Variants in ATP10B observed in about 807,000 individuals in gnomAD.
The protein encoded by ATP10B is ATPase phospholipid transporting 10B (putative).
ATP10B carries 122 observed loss-of-function variants against 141.2 expected under a neutral mutation model. The observed-to-expected ratio is 0.86, with a 90% confidence interval of 0.75 to 1.00. The LOEUF (loss-of-function observed/expected upper bound fraction) is 1.00, where lower values mean the gene tolerates loss of function less well. Ranked by LOEUF, ATP10B falls within the 50% of genes least tolerant of loss-of-function variation. The probability of loss-of-function intolerance (pLI) is 0.00; values close to 1 mark genes in which losing one functional copy is unlikely to be tolerated. For synonymous variants in ATP10B, 685 were observed against 692.0 expected (o/e 0.99, Z 0.16); for missense variants, 1,876 against 1,825.3 (o/e 1.03, Z -0.51).
chr5:160,601,759 T>C (rs1757110235), intron 21 of ATP10B, among the ~76,000 whole-genome samples: 1 of 152,232 alleles, frequency 6.6e-6, no homozygotes, highest in African/African-American at 2.4e-5. Context: ...TTCTTCAAGG[T>C]CATACAGCAT....
the ATP10B span, among the ~76,000 whole-genome samples, chr5:160,912,556 G>A: frequency 7.9e-5 from 12 of 151,172 alleles, no homozygotes; most frequent in South Asian, 8.4e-4. Context: ...CTGAGATCAC[G>A]CCACCGCACT....
At chr5:160,708,175 T>C (rs1765129501) in intron 3 of ATP10B, among the ~76,000 whole-genome samples, 1 of 152,116 alleles carries the variant, frequency 6.6e-6, no homozygotes. Flanking sequence ...CACTGCAACA[T>C]TTTTAGGGTG....
intron 2 of ATP10B, among the ~76,000 whole-genome samples, chr5:160,742,194 G>A (rs1040486496): frequency 7.2e-5 from 11 of 152,310 alleles, no homozygotes; most frequent in South Asian, 4.1e-4. Flanking sequence ...AGAGTATCTT[G>A]AAATATGTGA....
intron 18 of ATP10B, chr5:160,611,769 C>G (rs564468951): frequency 1.3e-5 from 2 of 152,268 alleles, no homozygotes; most frequent in African/African-American, 4.8e-5. Context: ...TTTCCGTCTT[C>G]TTTCGTTTTC....
At chr5:160,803,085 G>A (rs1156686719) in intron 1 of ATP10B, among the ~76,000 whole-genome samples, 1 of 152,182 alleles carries the variant, frequency 6.6e-6, no homozygotes, top group Admixed American at 6.5e-5. Context: ...AAAGGCTTCT[G>A]TTGGCTCACT....
chr5:160,629,800 G>A (rs1320990770), intron 13 of ATP10B, among the ~76,000 whole-genome samples: 9 of 152,182 alleles, frequency 5.9e-5, no homozygotes, highest in Non-Finnish European at 1.2e-4. Context: ...CTAGTACATG[G>A]GGTAGCTGAG....
At chr5:160,779,032 G>T (rs1354283199) in intron 2 of ATP10B, among the ~76,000 whole-genome samples, 1 of 152,186 alleles carries the variant, frequency 6.6e-6, no homozygotes, top group East Asian at 1.9e-4. Context: ...AAGGGAGAAT[G>T]ATCAGAGAAT....
chr5:160,576,951 T>C (rs1376238120), intron 24 of ATP10B, among the ~76,000 whole-genome samples: 1 of 152,122 alleles, frequency 6.6e-6, no homozygotes, highest in African/African-American at 2.4e-5. Flanking sequence ...ACATTGGAGA[T>C]AGGAGGATCT....
intron 1 of ATP10B, among the ~76,000 whole-genome samples, chr5:160,822,075 A>C (rs1231052768): frequency 6.6e-6 from 1 of 152,164 alleles, no homozygotes; most frequent in Non-Finnish European, 1.5e-5. Flanking sequence ...TGAAGACACA[A>C]TGCACAGAAT....
chr5:160,840,664 C>A (rs921060795), intron 1 of ATP10B, among the ~76,000 whole-genome samples: 2 of 151,942 alleles, frequency 1.3e-5, no homozygotes, highest in Non-Finnish European at 1.5e-5. Context: ...GATACTAAAA[C>A]GTCCAGATGT....
At chr5:160,622,915 T>C (rs1297909537) in intron 13 of ATP10B, among the ~76,000 whole-genome samples, 2 of 151,424 alleles carry the variant, frequency 1.3e-5, no homozygotes, top group African/African-American at 4.9e-5. Context: ...GCCTCTCACC[T>C]TTTTTTTTCT....
chr5:160,767,101 A>T (rs1769505696), intron 2 of ATP10B, among the ~76,000 whole-genome samples: 1 of 152,202 alleles, frequency 6.6e-6, no homozygotes, highest in Non-Finnish European at 1.5e-5. Context: ...TTTAACAGTA[A>T]CAGATAGCTG....
intron 6 of ATP10B, among the ~76,000 whole-genome samples, chr5:160,681,185 C>T (rs1295226149): frequency 3.3e-5 from 5 of 152,192 alleles, no homozygotes; most frequent in Non-Finnish European, 5.9e-5. Context: ...TCTCAACTGA[C>T]AGCTGGGTTA....
At chr5:160,768,048 A>G (rs1354948893) in intron 2 of ATP10B, among the ~76,000 whole-genome samples, 2 of 151,138 alleles carry the variant, frequency 1.3e-5, no homozygotes, top group Non-Finnish European at 1.5e-5. Flanking sequence ...TACTTCCTTC[A>G]CTCCCAACTC....
At chr5:160,882,126 C>T in the ATP10B span, among the ~76,000 whole-genome samples, 3 of 151,938 alleles carry the variant, frequency 2.0e-5, no homozygotes, top group African/African-American at 7.3e-5. Flanking sequence ...ACAGGTAGGC[C>T]ACAGAGAATT....
At chr5:160,901,717 A>C in the ATP10B span, among the ~76,000 whole-genome samples, 1 of 152,206 alleles carries the variant, frequency 6.6e-6, no homozygotes, top group Non-Finnish European at 1.5e-5. Context: ...TAGGGAGTAC[A>C]TGGTAGGTAT....
At chr5:160,833,394 C>A (rs1008709651) in intron 1 of ATP10B, among the ~76,000 whole-genome samples, 6 of 152,150 alleles carry the variant, frequency 3.9e-5, no homozygotes, top group African/African-American at 1.2e-4. Flanking sequence ...TGCAGCAAAT[C>A]TCAGATTCAG....
chr5:160,883,474 T>C, the ATP10B span, among the ~76,000 whole-genome samples: 2 of 114,054 alleles, frequency 1.8e-5, no homozygotes, highest in Non-Finnish European at 4.1e-5. Flanking sequence ...TAAGGGCAGG[T>C]GGTGTGTAGT....
At chr5:160,604,285 AG>A (rs1233064615) in intron 19 of ATP10B, among the ~76,000 whole-genome samples, 2 of 152,314 alleles carry the variant, frequency 1.3e-5, no homozygotes, top group East Asian at 3.9e-4. Context: ...TTCTAGGCAC[AG>A]TGTTAGGTAT....
Sources: allele counts gnomAD v4.1 joint callset (sites outside exome capture counted in the v4.1 genomes callset), GRCh38; gene constraint gnomAD v4.1.1; transcripts MANE v1.5; gene names NCBI Gene and HGNC (gene_info 2026-07-23, HGNC 2026-07-21).